SGMS1: variants seen among roughly 807,000 people sequenced by gnomAD.
SGMS1 encodes the protein phosphatidylcholine:ceramide cholinephosphotransferase 1.
SGMS1 carries 13 observed loss-of-function variants against 46.2 expected under a neutral mutation model. That is an observed-to-expected ratio of 0.28 (90% CI 0.18 to 0.45). The LOEUF (loss-of-function observed/expected upper bound fraction) is 0.45, where lower values mean the gene tolerates loss of function less well. SGMS1 is among the 20% of genes least tolerant of loss of function. The probability of loss-of-function intolerance (pLI) is 1.00; values close to 1 mark genes in which losing one functional copy is unlikely to be tolerated. For synonymous variants in SGMS1, 203 were observed against 187.8 expected, an observed-to-expected ratio of 1.08 and a Z score of -0.66; for missense variants, 324 against 519.9, an observed-to-expected ratio of 0.62 and a Z score of 3.66.
intron 2 of SGMS1, among the ~76,000 whole-genome samples, chr10:50,530,947 A>C (rs1354233263): frequency 6.6e-6 from 1 of 152,202 alleles, no homozygotes; most frequent in African/African-American, 2.4e-5. Context: ...TTTCAAGTTA[A>C]AAAGTACTAG....
intron 6 of SGMS1, among the ~76,000 whole-genome samples, chr10:50,414,864 A>G (rs1849147414): frequency 6.6e-6 from 1 of 152,230 alleles, no homozygotes; most frequent in African/African-American, 2.4e-5. Context: ...CAAGTCTGAC[A>G]TTACGCCACT....
chr10:50,539,135 C>G (rs962803190), intron 2 of SGMS1, among the ~76,000 whole-genome samples: 2 of 152,232 alleles, frequency 1.3e-5, no homozygotes, highest in African/African-American at 4.8e-5. Flanking sequence ...GCACTGCTGG[C>G]CTTCCCCTGC....
chr10:50,346,292 C>T (rs1847910113), intron 6 of SGMS1, among the ~76,000 whole-genome samples: 1 of 152,080 alleles, frequency 6.6e-6, no homozygotes, highest in South Asian at 2.1e-4. Context: ...TACCCATATC[C>T]TTTTGTTTTT....
At chr10:50,480,823 T>C (rs1427255505) in intron 3 of SGMS1, among the ~76,000 whole-genome samples, 1 of 152,150 alleles carries the variant, frequency 6.6e-6, no homozygotes, top group African/African-American at 2.4e-5. Flanking sequence ...TGTTTTCCCC[T>C]GCCAGTGCTA....
At position 50,618,729 on chromosome 10, in the gene SGMS1, A is replaced by G. The variant is rs1034165354; in HGVS notation, c.-684+4978T>C. ...TCTGGAGAGTAATTTAGCAGTGTTT[A>G]GTAAAAACAGGTATGTTTGTACACC... On this transcript the variant is annotated intron_variant, in intron 1 of 10. Coordinates refer to ENST00000361781, the MANE Select transcript of SGMS1 (RefSeq NM_147156.4). Among the ~76,000 whole-genome samples, 8 of 152,328 alleles carry G rather than the reference A, an allele frequency of 5.3e-5. No homozygotes were observed. The Middle Eastern group carries it at 0.01, about 194-fold the overall frequency.
intron 6 of SGMS1, among the ~76,000 whole-genome samples, chr10:50,374,906 C>T (rs1228690433): frequency 1.3e-5 from 2 of 152,164 alleles, no homozygotes; most frequent in African/African-American, 4.8e-5. Flanking sequence ...AACTGAATGT[C>T]CCTTGACCAC....
intron 1 of SGMS1, among the ~76,000 whole-genome samples, chr10:50,615,115 A>AATG (rs1466934466): frequency 2.0e-5 from 3 of 152,324 alleles, no homozygotes; most frequent in African/African-American, 7.2e-5. Flanking sequence ...GACATCCAGG[A>AATG]ATGACAGAGA....
intron 1 of SGMS1, among the ~76,000 whole-genome samples, chr10:50,619,707 C>G (rs551802184): frequency 9.7e-4 from 147 of 152,282 alleles, no homozygotes; most frequent in African/African-American, 3.4e-3. Flanking sequence ...CCTGTCTGTA[C>G]GTATAATGGT....
At chr10:50,338,107 C>G (rs1014595075) in intron 7 of SGMS1, among the ~76,000 whole-genome samples, 2 of 152,116 alleles carry the variant, frequency 1.3e-5, no homozygotes, top group Non-Finnish European at 2.9e-5. Flanking sequence ...TTCTTCTTTA[C>G]TTCCTTCCCT....
At chr10:50,587,633 ATGTGTGTGTGTGTGTGTGTG>A (rs35240090) in intron 2 of SGMS1, among the ~76,000 whole-genome samples, 4 of 138,172 alleles carry the variant, frequency 2.9e-5, no homozygotes, top group Non-Finnish European at 6.2e-5. Flanking sequence ...CAAAATATAT[ATGTGTGTGTGTGTGTGTGTG>A]TGTGTGTGTG....
intron 2 of SGMS1, among the ~76,000 whole-genome samples, chr10:50,525,221 T>A (rs1289623272): frequency 1.3e-5 from 2 of 152,192 alleles, no homozygotes; most frequent in African/African-American, 4.8e-5. Context: ...TGGAGTTACA[T>A]GTTGGCTCCT....
At chr10:50,411,723 AG>A (rs1392848280) in intron 6 of SGMS1, among the ~76,000 whole-genome samples, 2 of 152,074 alleles carry the variant, frequency 1.3e-5, no homozygotes, top group African/African-American at 4.8e-5. Context: ...GTTTGGTTTG[AG>A]TATCAAACTC....
intron 6 of SGMS1, among the ~76,000 whole-genome samples, chr10:50,424,670 C>T (rs1323096779): frequency 1.3e-5 from 2 of 152,152 alleles, no homozygotes; most frequent in Non-Finnish European, 2.9e-5. Context: ...TTCTAACATT[C>T]AGAATCTATA....
At chr10:50,471,338 A>C (rs1010300245) in intron 3 of SGMS1, among the ~76,000 whole-genome samples, 1 of 152,318 alleles carries the variant, frequency 6.6e-6, no homozygotes, top group East Asian at 1.9e-4. Context: ...TCCCTGAAGG[A>C]GCTCAGTTTA....
chr10:50,488,358 A>T (rs1407207333), intron 3 of SGMS1, among the ~76,000 whole-genome samples: 1 of 152,170 alleles, frequency 6.6e-6, no homozygotes, highest in Non-Finnish European at 1.5e-5. Flanking sequence ...ACCCAATTTC[A>T]CATAGTCTTC....
intron 3 of SGMS1, among the ~76,000 whole-genome samples, chr10:50,515,605 G>A (rs973446445): frequency 6.6e-6 from 1 of 152,170 alleles, no homozygotes; most frequent in African/African-American, 2.4e-5. Flanking sequence ...TGGCTCCACT[G>A]GCACAGAAGG....
chr10:50,588,659 A>C (rs1292635741), intron 2 of SGMS1, among the ~76,000 whole-genome samples: 1 of 151,834 alleles, frequency 6.6e-6, no homozygotes, highest in Non-Finnish European at 1.5e-5. Flanking sequence ...ATTCTCCTAT[A>C]AGTTTAGGTT....
At chr10:50,592,627 T>C (rs1039458108) in intron 1 of SGMS1, among the ~76,000 whole-genome samples, 11 of 152,184 alleles carry the variant, frequency 7.2e-5, no homozygotes, top group Admixed American at 5.9e-4. Context: ...GCGCAAGTAT[T>C]ACTGAAGTTC....
intron 2 of SGMS1, among the ~76,000 whole-genome samples, chr10:50,521,417 A>G (rs1837855829): frequency 6.6e-6 from 1 of 152,200 alleles, no homozygotes; most frequent in Non-Finnish European, 1.5e-5. Context: ...ATATTCTCTT[A>G]CATAACCACA....
Sources: allele counts gnomAD v4.1 joint callset (sites outside exome capture counted in the v4.1 genomes callset), GRCh38; gene constraint gnomAD v4.1.1; transcripts MANE v1.5; gene names NCBI Gene and HGNC (gene_info 2026-07-23, HGNC 2026-07-21).